The following KSR2 variants were observed in gnomAD, a reference collection of about 807,000 sequenced individuals.
KSR2 encodes the protein kinase suppressor of ras 2.
Under a neutral mutation model 107.8 loss-of-function variants are expected in KSR2, and 25 were observed. That is an observed-to-expected ratio of 0.23 (90% CI 0.17 to 0.32). The LOEUF (loss-of-function observed/expected upper bound fraction) is 0.32. Among genes scored for constraint, KSR2 ranks in the 10% least tolerant of loss-of-function variants. KSR2 has a pLI of 1.00. For missense variants in KSR2, 887 were observed against 1,268.9 expected (o/e 0.70, Z 4.57); for synonymous variants, 480 against 507.0 (o/e 0.95, Z 0.71).
At chr12:117,521,602 A>T (rs577363035) in intron 14 of KSR2, among the ~76,000 whole-genome samples, 95 of 152,386 alleles carry the variant, frequency 6.2e-4, no homozygotes, top group African/African-American at 2.2e-3. Context: ...CCCAAGAGCC[A>T]CACATATTGC....
intron 4 of KSR2, among the ~76,000 whole-genome samples, chr12:117,692,892 G>A (rs1343174934): frequency 6.6e-6 from 1 of 152,108 alleles, no homozygotes; most frequent in African/African-American, 2.4e-5. Flanking sequence ...TGGGGATAGG[G>A]GGAAGCTAGG....
intron 14 of KSR2, among the ~76,000 whole-genome samples, chr12:117,498,864 C>T (rs973386345): frequency 2.0e-5 from 3 of 152,192 alleles, no homozygotes; most frequent in Non-Finnish European, 4.4e-5. Context: ...TGAGGCCTCC[C>T]CAGCCATGTG....
chr12:117,495,013 G>A (rs984097060), intron 14 of KSR2, among the ~76,000 whole-genome samples: 1 of 152,212 alleles, frequency 6.6e-6, no homozygotes, highest in Non-Finnish European at 1.5e-5. Flanking sequence ...CTCTACAGGT[G>A]TTTGCCTTCC....
chr12:117,546,090 A>G (rs1040507820), intron 9 of KSR2, among the ~76,000 whole-genome samples: 1 of 152,162 alleles, frequency 6.6e-6, no homozygotes, highest in African/African-American at 2.4e-5. Flanking sequence ...CTGATTTTCC[A>G]AGATTCTTTA....
chr12:117,808,476 G>A (rs1056950008), intron 3 of KSR2, among the ~76,000 whole-genome samples: 3 of 152,086 alleles, frequency 2.0e-5, no homozygotes, highest in Non-Finnish European at 4.4e-5. Context: ...TCTCTAAATT[G>A]GGAGTAATAA....
At chr12:117,777,134 CTA>C (rs35353845) in intron 3 of KSR2, among the ~76,000 whole-genome samples, 1 of 136,260 alleles carries the variant, frequency 7.3e-6, no homozygotes, top group African/African-American at 2.9e-5. Context: ...TATATATACA[CTA>C]TATTATATAT....
At chr12:117,736,896 T>G (rs1220655327) in intron 4 of KSR2, among the ~76,000 whole-genome samples, 3 of 152,190 alleles carry the variant, frequency 2.0e-5, no homozygotes, top group Non-Finnish European at 2.9e-5. Context: ...GCGATGAGCT[T>G]ATTCCCGAAT....
At chr12:117,550,655 C>G (rs1270262053) in intron 9 of KSR2, among the ~76,000 whole-genome samples, 2 of 152,064 alleles carry the variant, frequency 1.3e-5, no homozygotes, top group Non-Finnish European at 2.9e-5. Flanking sequence ...CACAACAGGC[C>G]AGAAAACAAA....
At chr12:117,893,683 A>C (rs1894416929) in intron 1 of KSR2, among the ~76,000 whole-genome samples, 1 of 152,182 alleles carries the variant, frequency 6.6e-6, no homozygotes, top group African/African-American at 2.4e-5. Flanking sequence ...GAGAGCACCT[A>C]GGAGTACCCA....
At chr12:117,800,905 C>T (rs1475364962) in intron 3 of KSR2, among the ~76,000 whole-genome samples, 1 of 152,124 alleles carries the variant, frequency 6.6e-6, no homozygotes, top group Admixed American at 6.5e-5. Context: ...CTAGCTTTAT[C>T]CATGTCCCTG....
At chr12:117,933,224 G>A (rs1434083650) in intron 1 of KSR2, among the ~76,000 whole-genome samples, 1 of 152,142 alleles carries the variant, frequency 6.6e-6, no homozygotes, top group African/African-American at 2.4e-5. Flanking sequence ...AAATGAGAAT[G>A]TCAGATAAAC....
At chr12:117,736,209 A>C (rs886162761) in intron 4 of KSR2, among the ~76,000 whole-genome samples, 2 of 152,180 alleles carry the variant, frequency 1.3e-5, no homozygotes, top group Admixed American at 1.3e-4. Flanking sequence ...TCATTTATTC[A>C]CTTTGTTTTC....
chr12:117,639,660 A>ATTATTATTATT (rs1883271954), intron 5 of KSR2, among the ~76,000 whole-genome samples: 1 of 86,680 alleles, frequency 1.2e-5, no homozygotes, highest in Non-Finnish European at 2.3e-5. Context: ...TTATTATTAT[A>ATTATTATTATT]TTATTTTAAT....
intron 3 of KSR2, among the ~76,000 whole-genome samples, chr12:117,777,674 G>T (rs1889743891): frequency 6.6e-6 from 1 of 152,154 alleles, no homozygotes. Flanking sequence ...TAAGCTCTAA[G>T]AAGGCAGAGC....
chr12:117,513,770 T>C, intron 14 of KSR2, among the ~76,000 whole-genome samples: 1 of 152,236 alleles, frequency 6.6e-6, no homozygotes, highest in Admixed American at 6.5e-5. Context: ...AGCTTCAGTA[T>C]GAATCAGACA....
At chr12:117,479,854 C>G (rs945531997) in intron 16 of KSR2, among the ~76,000 whole-genome samples, 2 of 152,222 alleles carry the variant, frequency 1.3e-5, no homozygotes, top group African/African-American at 4.8e-5. Context: ...CTCTTACTTA[C>G]TAGCTATGGA....
intron 5 of KSR2, among the ~76,000 whole-genome samples, chr12:117,625,952 T>G (rs10035406): frequency 6.6e-6 from 1 of 152,238 alleles, no homozygotes; most frequent in African/African-American, 2.4e-5. Flanking sequence ...TGTCCAGGAA[T>G]TTATCCATTT....
chr12:117,550,572 C>A (rs184917207), intron 9 of KSR2, among the ~76,000 whole-genome samples: 1 of 152,098 alleles, frequency 6.6e-6, no homozygotes, highest in Admixed American at 6.5e-5. Context: ...TGAGATAGGC[C>A]ATTAGGAAGA....
chr12:117,683,945 C>T lies in KSR2; in HGVS notation c.987-16287G>A, dbSNP rs148779213. 2.6e-5 allele frequency among the ~76,000 whole-genome samples: 4 copies of T among 152,288 alleles called. No individual in the cohort carries two copies. The East Asian group carries it at 5.8e-4, about 22-fold the overall frequency. On this transcript the variant is annotated intron_variant, in intron 4 of 19. Transcript: ENST00000339824. ...TAAGTGAACACGTATGACCATGTTC[C>T]GATAAAGCTATTTACAAAAATAGGC...
Sources: allele counts gnomAD v4.1 joint callset (sites outside exome capture counted in the v4.1 genomes callset), GRCh38; gene constraint gnomAD v4.1.1; transcripts MANE v1.5; gene names NCBI Gene and HGNC (gene_info 2026-07-23, HGNC 2026-07-21).